Variants in EXOC6B observed in about 807,000 individuals in gnomAD.
EXOC6B encodes the protein exocyst complex component 6B.
A neutral mutation model predicts 113.5 loss-of-function variants in EXOC6B; 54 were observed. That is an observed-to-expected ratio of 0.48 (90% confidence interval 0.38 to 0.60). EXOC6B has a LOEUF of 0.60. Among genes scored for constraint, EXOC6B ranks in the 20% least tolerant of loss-of-function variants. EXOC6B has a pLI of 0.00. For missense variants in EXOC6B, 797 were observed against 977.5 expected (o/e 0.82, Z 2.46); for synonymous variants, 357 against 339.0 (o/e 1.05, Z -0.58).
intron 1 of EXOC6B, among the ~76,000 whole-genome samples, chr2:72,759,458 T>C (rs1019549403): frequency 3.9e-5 from 6 of 152,206 alleles, no homozygotes; most frequent in Admixed American, 3.9e-4. Flanking sequence ...GCTATAGGCA[T>C]GTAGTTGATA....
chr2:72,741,229 T>C, intron 2 of EXOC6B, 75 bp downstream of exon 2: 2 of 1,403,028 alleles, frequency 1.4e-6, no homozygotes, highest in Middle Eastern at 1.8e-4. Flanking sequence ...TTCTATGTTA[T>C]AATCCTTAAT....
intron 19 of EXOC6B, among the ~76,000 whole-genome samples, chr2:72,351,787 G>T (rs1489554990): frequency 6.6e-6 from 1 of 152,068 alleles, no homozygotes; most frequent in East Asian, 1.9e-4. Context: ...AGTAGAAAAT[G>T]ACCATGACAC....
chr2:72,326,501 T>C lies in EXOC6B; in HGVS notation c.2196+8446A>G, dbSNP rs183335193. 3.9e-4 allele frequency among the ~76,000 whole-genome samples: 59 copies of C among 152,148 alleles called. 2 individuals are homozygous for C. The highest frequency in any genetic ancestry group is 3.4e-3 in the Middle Eastern group (1 of 294). ...GTCTGTGGACTAAGGTAGCAATTGC[T>C]AGGTGGCTTACTATGTTATGCTTGT... is the stretch of plus-strand genomic sequence containing the variant. On this transcript the variant is annotated intron_variant, in intron 20 of 21. Coordinates refer to ENST00000272427, the MANE Select transcript of EXOC6B (RefSeq NM_015189.3).
At chr2:72,476,225 T>G (rs1698730781) in intron 17 of EXOC6B, among the ~76,000 whole-genome samples, 1 of 152,216 alleles carries the variant, frequency 6.6e-6, no homozygotes, top group South Asian at 2.1e-4. Context: ...CACTGAAAGT[T>G]TCTACTAACC....
chr2:72,461,179 A>C (rs1047093531), intron 18 of EXOC6B, among the ~76,000 whole-genome samples: 4 of 124,362 alleles, frequency 3.2e-5, no homozygotes, highest in African/African-American at 1.2e-4. Context: ...GGACACAGGA[A>C]GGGGAACATC....
At position 72,184,130 on chromosome 2, in the gene EXOC6B, G is replaced by A; in HGVS notation, c.2254C>T (p.Pro752Ser). ...WSTYLADYGQ[P>S]NCKYLRVNPV... ...TTTACCCGGAGGTACTTGCAGTTGG[G>A]CTGACCATAGTCAGCAAGGTAGGTT... Residue 752 changes from proline to serine, a missense_variant, in exon 21 of 22, where the codon CCC becomes TCC. By Grantham distance (74) the Pro-to-Ser change is moderately conservative. Coordinates refer to ENST00000272427, the MANE Select transcript of EXOC6B (RefSeq NM_015189.3). 1 of 1,565,342 alleles carries A rather than the reference G, an allele frequency of 6.4e-7. No homozygotes were observed.
At chr2:72,232,936 G>C (rs1681721349) in intron 20 of EXOC6B, among the ~76,000 whole-genome samples, 1 of 151,868 alleles carries the variant, frequency 6.6e-6, no homozygotes, top group East Asian at 1.9e-4. Flanking sequence ...GCTGGGTGTG[G>C]TTGCGGGTGC....
At position 72,636,357 on chromosome 2, in the gene EXOC6B, GAAGGAAGGAAGGAAGC is replaced by G. The variant is rs1423811280; in HGVS notation, c.670-60705_670-60690del. On this transcript the variant is annotated intron_variant, in intron 6 of 21. Coordinates refer to ENST00000272427, the MANE Select transcript of EXOC6B (RefSeq NM_015189.3). ...GGAAGGAAGGAAGGAAGGAAGGAAG[GAAGGAAGGAAGGAAGC>G]AAGGAAGCAAGGAAGGGAGGGAAGA... 4.8e-3 allele frequency among the ~76,000 whole-genome samples: 616 copies of G among 127,186 alleles called. 14 individuals are homozygous for G. The highest frequency in any genetic ancestry group is 0.022 in the African/African-American group (572 of 25,522). The allele number at this position is 127,186 out of a possible 152,430, so 83.4% of individuals were successfully genotyped here.
Position 72,318,788 on chromosome 2 carries a change from A to G in EXOC6B, c.2196+16159T>C, listed in dbSNP as rs945768394. Among the ~76,000 whole-genome samples the G allele has an allele frequency of 3.9e-5, 6 of 152,188 alleles. No homozygotes were observed. In the South Asian group the frequency reaches 1.2e-3, roughly 31 times the overall value. On this transcript the variant is annotated intron_variant, in intron 20 of 21. Coordinates refer to ENST00000272427, the MANE Select transcript of EXOC6B (RefSeq NM_015189.3). Reference sequence around the variant, plus strand: ...ACTAAGAATTGAAAATATGGACACTAGTAAATTCATATCCTTACTGAGATT... The same window carrying G: ...ACTAAGAATTGAAAATATGGACACTGGTAAATTCATATCCTTACTGAGATT...
intron 1 of EXOC6B, among the ~76,000 whole-genome samples, chr2:72,821,799 G>T (rs1242507110): frequency 6.6e-6 from 1 of 152,042 alleles, no homozygotes; most frequent in Non-Finnish European, 1.5e-5. Flanking sequence ...GAGAGAGAGG[G>T]AACAGAATGG....
intron 20 of EXOC6B, among the ~76,000 whole-genome samples, chr2:72,228,417 C>T (rs1045564847): frequency 7.2e-6 from 1 of 139,618 alleles, no homozygotes; most frequent in African/African-American, 2.6e-5. Context: ...TCCCTCCCCC[C>T]TCCCCTCACC....
At chr2:72,538,448 A>T (rs757297521) in intron 8 of EXOC6B, among the ~76,000 whole-genome samples, 35 of 152,250 alleles carry the variant, frequency 2.3e-4, no homozygotes, top group Admixed American at 7.2e-4. Flanking sequence ...AATATATTTT[A>T]TCTAGCCTAA....
At chr2:72,310,138 T>C (rs1320956564) in intron 20 of EXOC6B, among the ~76,000 whole-genome samples, 3 of 152,152 alleles carry the variant, frequency 2.0e-5, no homozygotes, top group Admixed American at 6.5e-5. Context: ...TTTTCAATAA[T>C]TTTCAGTATA....
chr2:72,775,650 A>C (rs1683651806), intron 1 of EXOC6B, among the ~76,000 whole-genome samples: 1 of 152,054 alleles, frequency 6.6e-6, no homozygotes, highest in South Asian at 2.1e-4. Flanking sequence ...GAGAAAAAGA[A>C]AAAAAAATAC....
intron 2 of EXOC6B, among the ~76,000 whole-genome samples, chr2:72,734,386 A>C (rs1251989317): frequency 1.3e-5 from 2 of 152,190 alleles, no homozygotes; most frequent in Non-Finnish European, 2.9e-5. Flanking sequence ...ACTGAGCTCA[A>C]TACAAATTAA....
intron 18 of EXOC6B, among the ~76,000 whole-genome samples, chr2:72,401,492 TAC>T (rs1693156199): frequency 2.3e-5 from 2 of 86,014 alleles, no homozygotes; most frequent in African/African-American, 1.4e-4. Context: ...ATATTTTATA[TAC>T]ATATATATAT....
In EXOC6B at chr2:72,680,738, C is replaced by CA. The variant is rs369345119; in HGVS notation, c.669+37364dup. Among the ~76,000 whole-genome samples, 219 of 131,832 alleles carry CA rather than the reference C, an allele frequency of 1.7e-3. 2 individuals carry two copies. Among genetic ancestry groups the CA allele is most frequent in the East Asian group, 0.012 (55 of 4,598 alleles). 86.5% of individuals were successfully genotyped at this position (131,832 alleles called of 152,430 possible). A position where few individuals can be genotyped will look rare whatever the true frequency, so the allele number is the denominator to read the frequency against. The stretch of plus-strand genomic sequence containing the variant: ...TGGGTGACAGAGCAAGACTCCATCT[C>CA]AAAAAAAAAAAGAAAAAAAAGGAGC... On this transcript the variant is annotated intron_variant, in intron 6 of 21. Coordinates refer to ENST00000272427, the MANE Select transcript of EXOC6B (RefSeq NM_015189.3).
intron 16 of EXOC6B, among the ~76,000 whole-genome samples, chr2:72,490,277 C>T (rs531505864): frequency 6.6e-6 from 1 of 152,164 alleles, no homozygotes; most frequent in South Asian, 2.1e-4. Flanking sequence ...GCTGTATGAC[C>T]TCAAGCAATC....
chr2:72,666,543 A>T (rs1017968997), intron 6 of EXOC6B, among the ~76,000 whole-genome samples: 2 of 152,148 alleles, frequency 1.3e-5, no homozygotes, highest in Non-Finnish European at 2.9e-5. Context: ...TCAAGGAAGA[A>T]AAAGAAATGA....
Sources: gnomAD v4.1 joint callset for allele counts (sites outside exome capture counted in the v4.1 genomes callset) on GRCh38, gnomAD v4.1.1 for gene constraint, MANE v1.5 for transcripts, NCBI Gene and HGNC (gene_info 2026-07-23, HGNC 2026-07-21) for gene names.